The following FBN3 variants were observed in gnomAD, a reference collection of about 807,000 sequenced individuals.
FBN3 encodes fibrillin-3.
In FBN3, 234 loss-of-function variants were observed where a neutral mutation model predicts 330.1. That is an observed-to-expected ratio of 0.71 (90% CI 0.64 to 0.79). FBN3 has a LOEUF of 0.79. Among genes scored for constraint, FBN3 ranks in the 30% least tolerant of loss-of-function variants. The pLI, the probability that FBN3 is intolerant of heterozygous loss-of-function variation, is 0.00. For synonymous variants in FBN3, 1,458 were observed against 1,517.3 expected (o/e 0.96, Z 0.91); for missense variants, 3,606 against 3,886.9 (o/e 0.93, Z 1.92).
chr19:8,105,778 A>C (rs2082424396), intron 38 of FBN3, among the ~76,000 whole-genome samples: 1 of 152,208 alleles, frequency 6.6e-6, no homozygotes, highest in African/African-American at 2.4e-5. Flanking sequence ...AAACAGACAA[A>C]AATAAACTTT....
intron 47 of FBN3, among the ~76,000 whole-genome samples, chr19:8,094,093 C>T (rs1324941372): frequency 6.6e-6 from 1 of 152,136 alleles, no homozygotes; most frequent in African/African-American, 2.4e-5. Context: ...GTCCAGACTG[C>T]ATGAAATCAT....
intron 8 of FBN3, among the ~76,000 whole-genome samples, chr19:8,139,325 C>T (rs1477119828): frequency 7.2e-5 from 11 of 152,210 alleles, no homozygotes; most frequent in Admixed American, 5.2e-4. Flanking sequence ...CCAGCCTGGG[C>T]CACAGACCAA....
At chr19:8,135,936 G>GGGGGGGGGGC in intron 13 of FBN3, 25 bp downstream of exon 13, 1 of 668,772 alleles carries the variant, frequency 1.5e-6, no homozygotes, top group Non-Finnish European at 2.4e-6. Context: ...GGAAGCCCCT[G>GGGGGGGGGGC]CCCACCCGCC....
At position 8,090,100 on chromosome 19, in the gene FBN3, G is replaced by T; in HGVS notation, c.6183C>A (p.Ser2061Arg). 1 of 1,613,140 alleles carries T rather than the reference G, an allele frequency of 6.2e-7. No individual in the cohort carries two copies. The highest frequency in any genetic ancestry group is 1.1e-5 in the South Asian group (1 of 91,040). Reference sequence around the variant, plus strand: ...GCCTGGACAGGGGTGGGCACTCACCGCTGCCCTCCTGGGGACACAGTTCGC... The same window carrying T: ...GCCTGGACAGGGGTGGGCACTCACCTCTGCCCTCCTGGGGACACAGTTCGC... Reference protein sequence around the residue: ...DPCELCPQEGSAAFQELCPFG... With the variant: ...DPCELCPQEGRAAFQELCPFG... Residue 2061 changes from serine to arginine, a missense_variant and splice_region_variant, in exon 49 of 64, where the codon AGC becomes AGA. Transcript: ENST00000600128.
intron 34 of FBN3, among the ~76,000 whole-genome samples, chr19:8,110,483 T>G (rs539558989): frequency 3.9e-5 from 6 of 152,344 alleles, no homozygotes; most frequent in African/African-American, 9.6e-5. Flanking sequence ...CATTCATTCA[T>G]TTACATATTG....
In FBN3 at chr19:8,149,361, C is replaced by T. The variant is rs911479382; in HGVS notation, c.-18+88G>A. The T allele has an allele frequency of 2.0e-5, 3 of 151,754 alleles. No homozygotes were observed. The highest frequency in any genetic ancestry group is 7.3e-5 in the African/African-American group (3 of 41,366). The allele number at this position is 151,754 out of a possible 1,614,324, so 9.4% of individuals were successfully genotyped here. On this transcript the variant is annotated intron_variant, in intron 1 of 63. Transcript: ENST00000600128. This position sits in a 1 kb window ranked among gnomAD's most constrained non-coding sequence, Gnocchi z 5.5. ...CTGCGAACAAAGGAATCCTCTCCCC[C>T]TCCCCCTGCCGGCCCCCCCGCCCCC...
chr19:8,145,909 C>T lies in FBN3; in HGVS notation c.379G>A (p.Gly127Arg), dbSNP rs1489971433. 2 of 1,551,334 alleles carry T rather than the reference C, an allele frequency of 1.3e-6. No individual in the cohort carries two copies. Among genetic ancestry groups the T allele is most frequent in the Non-Finnish European group, 1.7e-6 (2 of 1,147,002 alleles). Residue 127 changes from glycine to arginine, a missense_variant, in exon 5 of 64, where the codon GGG (glycine) becomes AGG (arginine). Gly to Arg is a moderately radical substitution (Grantham distance 125, BLOSUM62 -2). Transcript: ENST00000600128. Reference protein sequence around the residue: ...GSGCSVSCMNGGTCRGASCLC... With the variant: ...GSGCSVSCMNRGTCRGASCLC... ...CAGGACGCCCCCCGGCAGGTGCCCC[C>T]ATTCATACAGCTCACACTGCACCCT...
chr19:8,146,424 C>A lies in FBN3; in HGVS notation c.251-199G>T, dbSNP rs1435574189. Among the ~76,000 whole-genome samples, 10 of 152,332 alleles carry A rather than the reference C, an allele frequency of 6.6e-5. No individual in the cohort carries two copies. In the East Asian group the frequency reaches 1.5e-3, roughly 24 times the overall value. ...GGGCTGGGCTGGGCAGGGTGTGTGA[C>A]CCAGGCTGTGGGTTGGGGACTCTGC... On this transcript the variant is annotated intron_variant, in intron 3 of 63. Coordinates refer to ENST00000600128, the MANE Select transcript of FBN3 (RefSeq NM_032447.5).
chr19:8,136,493 G>A lies in FBN3; in HGVS notation c.1240C>T (p.His414Tyr). 1 of 1,614,166 alleles carries A rather than the reference G, an allele frequency of 6.2e-7. No individual in the cohort carries two copies. The highest frequency in any genetic ancestry group is 8.5e-7 in the Non-Finnish European group (1 of 1,180,010). ...CCATTCAGACACAGGTTGGTGAAGT[G>A]TCGGCAGATGTCAATGGTCTGGTTC... The part of the protein sequence containing the change: ...TLNQTIDICR[H>Y]FTNLCLNGRC... Residue 414 changes from histidine to tyrosine, a missense_variant, in exon 11 of 64, where the codon CAC (histidine) becomes TAC (tyrosine). Physicochemically the swap from His to Tyr is moderately conservative, Grantham distance 83. Coordinates refer to ENST00000600128, the MANE Select transcript of FBN3 (RefSeq NM_032447.5).
chr19:8,090,840 T>G (rs2082081410), intron 48 of FBN3, among the ~76,000 whole-genome samples: 1 of 151,940 alleles, frequency 6.6e-6, no homozygotes, highest in African/African-American at 2.4e-5. Flanking sequence ...TGCTTTGGGG[T>G]GTTCTCATGC....
chr19:8,092,826 A>G (rs2082126438), intron 47 of FBN3, among the ~76,000 whole-genome samples: 1 of 151,822 alleles, frequency 6.6e-6, no homozygotes, highest in South Asian at 2.1e-4. Flanking sequence ...CAAATATCGT[A>G]TGTTCTCACT....
intron 30 of FBN3, among the ~76,000 whole-genome samples, 170 bp downstream of exon 30, chr19:8,115,345 C>T (rs553856596): frequency 2.6e-5 from 4 of 152,136 alleles, no homozygotes; most frequent in East Asian, 3.9e-4. Context: ...GGGGACCCCC[C>T]GGGGCACTGT....
At position 8,075,435 on chromosome 19, in the gene FBN3, G is replaced by A. The variant is rs1359923965; in HGVS notation, c.7454-24C>T. On this transcript the variant is annotated intron_variant, in intron 59 of 63. Transcript: ENST00000600128. Reference sequence around the variant, plus strand: ...GTCTGCAGAGGAGAGAGATCAGGCAGGGTTGCCTGCTGGTTAAGGAACTCG... The same window carrying A: ...GTCTGCAGAGGAGAGAGATCAGGCAAGGTTGCCTGCTGGTTAAGGAACTCG... 29 of 1,600,646 alleles carry A rather than the reference G, an allele frequency of 1.8e-5. No individual in the cohort carries two copies. In the East Asian group the frequency reaches 6.5e-4, roughly 36 times the overall value.
At chr19:8,098,777 A>C (rs2082265907) in intron 41 of FBN3, among the ~76,000 whole-genome samples, 1 of 152,178 alleles carries the variant, frequency 6.6e-6, no homozygotes. Context: ...TCTCTCAATA[A>C]AACTGTTATA....
At chr19:8,142,631 G>C (rs1198931921) in intron 6 of FBN3, among the ~76,000 whole-genome samples, 1 of 151,978 alleles carries the variant, frequency 6.6e-6, no homozygotes, top group Admixed American at 6.6e-5. Flanking sequence ...TGACCGCATT[G>C]GTTCCCCCAA....
chr19:8,094,529 A>G lies in FBN3; in HGVS notation c.5822T>C (p.Leu1941Pro). The change falls in exon 47 of 64, where the codon CTA becomes CCA. Residue 1941 changes from leucine (L) to proline (P), a missense_variant. Transcript: ENST00000600128. Reference protein sequence around the residue: ...NECLSLAGTCLPGTCQNLEGS... With the variant: ...NECLSLAGTCPPGTCQNLEGS... ...CTCGAGGTTCTGGCAAGTGCCGGGT[A>G]GGCAGGTTCCTGCAAGGCTGAGGCA... 1 of 1,613,974 alleles carries G rather than the reference A, an allele frequency of 6.2e-7. No homozygotes were observed. The highest frequency in any genetic ancestry group is 8.5e-7 in the Non-Finnish European group (1 of 1,179,878).
intron 62 of FBN3, among the ~76,000 whole-genome samples, chr19:8,072,798 G>A (rs1257910287): frequency 6.6e-6 from 1 of 152,134 alleles, no homozygotes; most frequent in Non-Finnish European, 1.5e-5. Context: ...GCTGGTACGG[G>A]TGTGTGCCAT....
chr19:8,114,034 TA>T (rs752294642), intron 30 of FBN3, among the ~76,000 whole-genome samples: 18 of 147,614 alleles, frequency 1.2e-4, no homozygotes, highest in African/African-American at 4.3e-4. Flanking sequence ...ACATGAAAAA[TA>T]AAAAAAAATA....
In FBN3 at chr19:8,129,407, G is replaced by A; in HGVS notation, c.2045-42C>T. The A allele has an allele frequency of 6.2e-7, 1 of 1,607,972 alleles. No homozygotes were observed. The highest frequency in any genetic ancestry group is 8.5e-7 in the Non-Finnish European group (1 of 1,176,846). The stretch of plus-strand genomic sequence containing the variant: ...GTGTGTCAGCAGCAGCAGAAGGAGG[G>A]TGTGTCCGAGGCAGGAGGAGGGTGT... On this transcript the variant is annotated intron_variant, in intron 16 of 63. Transcript: ENST00000600128. This position sits in a 1 kb window ranked among gnomAD's most constrained non-coding sequence, Gnocchi z 4.5.
Sources: gnomAD v4.1 joint callset for allele counts (sites outside exome capture counted in the v4.1 genomes callset) on GRCh38, gnomAD v4.1.1 for gene constraint, Gnocchi (gnomAD v3.1) non-coding constraint, MANE v1.5 for transcripts, NCBI Gene and HGNC (gene_info 2026-07-23, HGNC 2026-07-21) for gene names.